The following TRIM22 variants were observed in gnomAD, a reference collection of about 807,000 sequenced individuals.
The protein encoded by TRIM22 is tripartite motif containing 22, also known as E3 ubiquitin-protein ligase TRIM22.
A neutral mutation model predicts 53.6 loss-of-function variants in TRIM22; 45 were observed. The ratio of observed to expected loss-of-function variants is 0.84; its 90% CI spans 0.66 to 1.08. TRIM22 has a LOEUF of 1.08. Ranked by LOEUF, TRIM22 falls within the 50% of genes least tolerant of loss-of-function variation. The pLI is 0.00. For missense variants in TRIM22, 616 were observed against 590.9 expected (o/e 1.04, Z -0.44); for synonymous variants, 225 against 216.6 (o/e 1.04, Z -0.34).
At chr11:5,695,360 G>A (rs1853240701) in intron 1 of TRIM22, among the ~76,000 whole-genome samples, 1 of 152,116 alleles carries the variant, frequency 6.6e-6, no homozygotes, top group African/African-American at 2.4e-5. Flanking sequence ...GCCTTGAGGA[G>A]CCATAGATTT....
chr11:5,696,760 C>A, intron 2 of TRIM22, 105 bp downstream of exon 2: 2 of 1,223,210 alleles, frequency 1.6e-6, no homozygotes, highest in Non-Finnish European at 2.2e-6. Context: ...CACCATAGAA[C>A]GGAGAGCCCT....
At position 5,708,562 on chromosome 11, in the gene TRIM22, C is replaced by T; in HGVS notation, c.875-15C>T. On this transcript the variant is annotated splice_polypyrimidine_tract_variant and intron_variant, in intron 6 of 7. Coordinates refer to ENST00000379965, the MANE Select transcript of TRIM22 (RefSeq NM_006074.5). ...TTTGCTTCTAACAACATCACTGAAA[C>T]TTTTGTCGTTTCAGAGCTGACAGAT... The T allele has an allele frequency of 1.2e-6, 2 of 1,601,180 alleles. No homozygotes were observed. Among genetic ancestry groups the T allele is most frequent in the Non-Finnish European group, 8.5e-7 (1 of 1,176,478 alleles).
chr11:5,698,364 TGA>T lies in TRIM22; in HGVS notation c.573_574del (p.Arg191SerfsTer6). 1.2e-6 allele frequency: 2 copies of T among 1,614,090 alleles called. No homozygotes were observed. Among genetic ancestry groups the T allele is most frequent in the Non-Finnish European group, 1.7e-6 (2 of 1,179,980 alleles). On this transcript the variant is annotated frameshift_variant, in exon 4 of 8. Coordinates refer to ENST00000379965, the MANE Select transcript of TRIM22 (RefSeq NM_006074.5). LOFTEE classifies it high-confidence loss of function. ...AAGATTCTGAAAGGGTTCAATGAAA[TGA>T]GAGTCATCTTGGACAATGAGGAGCA...
intron 4 of TRIM22, among the ~76,000 whole-genome samples, chr11:5,703,700 T>C (rs1390469696): frequency 2.0e-5 from 3 of 147,378 alleles, no homozygotes; most frequent in African/African-American, 7.5e-5. Flanking sequence ...ATTTTTTTTA[T>C]GACTATGTAG....
intron 4 of TRIM22, among the ~76,000 whole-genome samples, chr11:5,699,020 A>G (rs539677379): frequency 6.6e-6 from 1 of 152,282 alleles, no homozygotes; most frequent in African/African-American, 2.4e-5. Context: ...TTTGAGGTTT[A>G]TTTATATTGC....
rs745513790 is a variant in TRIM22, at chr11:5,696,616, C to T, written c.384C>T (p.His128=). ...AACTGTCTCAGGAACACCAAGGTCA[C>T]CAAACATTCCGCATAAACGAGGTGG... is the stretch of plus-strand genomic sequence containing the variant. ...VCELSQEHQG[H]QTFRINEVVK... Residue 128 remains histidine (H), a synonymous_variant, in exon 2 of 8, where the codon CAC becomes CAT. Transcript: ENST00000379965. The T allele has an allele frequency of 5.0e-6, 8 of 1,613,186 alleles. No homozygotes were observed. The East Asian group carries it at 1.8e-4, about 36-fold the overall frequency.
chr11:5,697,367 G>C, intron 3 of TRIM22, 24 bp downstream of exon 3: 1 of 1,573,092 alleles, frequency 6.4e-7, no homozygotes, highest in Non-Finnish European at 8.7e-7. Flanking sequence ...CCTCCTAAGG[G>C]ATAATTAGAC....
chr11:5,698,903 ATCTGTTTTCTG>A (rs1254471637), intron 4 of TRIM22, among the ~76,000 whole-genome samples: 3 of 152,162 alleles, frequency 2.0e-5, no homozygotes, highest in Non-Finnish European at 4.4e-5. Flanking sequence ...CTGGCAGCCT[ATCTGTTTTCTG>A]TCTGTATAGA....
intron 4 of TRIM22, among the ~76,000 whole-genome samples, chr11:5,706,028 A>G (rs1260030147): frequency 6.6e-6 from 1 of 152,202 alleles, no homozygotes; most frequent in Non-Finnish European, 1.5e-5. Context: ...ATTAATTTTC[A>G]TCATTAGATC....
chr11:5,710,530 T>G lies in TRIM22; in HGVS notation c.*882T>G, dbSNP rs1853543272. ...AAGCAAGAAGTCCATAGTAATTTAT[T>G]TGCTAATAGTGGATTTTTAATGCTC... On this transcript the variant is annotated 3_prime_UTR_variant, in exon 8 of 8. Coordinates refer to ENST00000379965, the MANE Select transcript of TRIM22 (RefSeq NM_006074.5). 6.6e-6 allele frequency: 1 copy of G among 152,206 alleles called. No homozygotes were observed. 9.4% of individuals were successfully genotyped at this position (152,206 alleles called of 1,614,324 possible).
intron 3 of TRIM22, chr11:5,698,050 T>C: frequency 2.5e-6 from 1 of 396,638 alleles, no homozygotes; most frequent in South Asian, 2.6e-5. Context: ...TCAGGACAGG[T>C]GTCTACAATC....
intron 4 of TRIM22, among the ~76,000 whole-genome samples, chr11:5,699,756 T>C (rs1853338314): frequency 6.6e-6 from 1 of 150,474 alleles, no homozygotes; most frequent in Non-Finnish European, 1.5e-5. Context: ...ACAGCCTTTC[T>C]AGTGGGAACA....
Position 5,696,276 on chromosome 11 carries a change from G to A in TRIM22, c.44G>A (p.Cys15Tyr). ...VKVDIEKEVT[C>Y]PICLELLTEP... ...GTAGACATAGAGAAGGAGGTGACCT[G>A]CCCCATCTGCCTGGAGCTCCTGACA... The change falls in exon 2 of 8, where the codon TGC (cysteine) becomes TAC (tyrosine). Residue 15 changes from cysteine to tyrosine, a missense_variant. Coordinates refer to ENST00000379965, the MANE Select transcript of TRIM22 (RefSeq NM_006074.5). 1 of 1,613,916 alleles carries A rather than the reference G, an allele frequency of 6.2e-7. No individual in the cohort carries two copies. The highest frequency in any genetic ancestry group is 8.5e-7 in the Non-Finnish European group (1 of 1,179,892).
chr11:5,690,218 A>G (rs1564938031), intron 1 of TRIM22, among the ~76,000 whole-genome samples: 1 of 152,230 alleles, frequency 6.6e-6, no homozygotes, highest in African/African-American at 2.4e-5. Flanking sequence ...CGAGCACTCA[A>G]ACAAAGGATT....
intron 4 of TRIM22, among the ~76,000 whole-genome samples, chr11:5,699,804 T>C (rs991580763): frequency 1.3e-5 from 2 of 151,272 alleles, no homozygotes; most frequent in East Asian, 3.9e-4. Flanking sequence ...TGCTTTTTCC[T>C]AATAACTAAC....
intron 4 of TRIM22, among the ~76,000 whole-genome samples, chr11:5,705,383 G>T (rs1303016257): frequency 1.3e-5 from 2 of 152,114 alleles, no homozygotes; most frequent in Non-Finnish European, 2.9e-5. Context: ...ATTTTTAGAA[G>T]AAAAACCAGA....
In TRIM22 at chr11:5,696,222, G is replaced by A. The variant is rs1853255772; in HGVS notation, c.-11G>A. On this transcript the variant is annotated 5_prime_UTR_variant, in exon 2 of 8. Coordinates refer to ENST00000379965, the MANE Select transcript of TRIM22 (RefSeq NM_006074.5). The stretch of plus-strand genomic sequence containing the variant: ...AGAGTCAAGACAGAAGGAAGCCAAG[G>A]GAGCAGTGCAATGGATTTCTCAGTA... The A allele has an allele frequency of 1.3e-6, 2 of 1,589,402 alleles. No individual in the cohort carries two copies. The highest frequency in any genetic ancestry group is 1.3e-5 in the African/African-American group (1 of 74,162).
chr11:5,693,671 G>A (rs551062708), intron 1 of TRIM22, among the ~76,000 whole-genome samples: 4 of 132,112 alleles, frequency 3.0e-5, no homozygotes, highest in African/African-American at 8.6e-5. Context: ...GCAAGGAGCC[G>A]AGATCGCACC....
chr11:5,708,406 A>G, intron 6 of TRIM22, 133 bp downstream of exon 6: 2 of 1,010,398 alleles, frequency 2.0e-6, no homozygotes, highest in East Asian at 5.1e-5. Flanking sequence ...CCTGTGCTGT[A>G]GATGTGGTCC....
Sources: gnomAD v4.1 joint callset for allele counts (sites outside exome capture counted in the v4.1 genomes callset) on GRCh38, gnomAD v4.1.1 for gene constraint, MANE v1.5 for transcripts, NCBI Gene and HGNC (gene_info 2026-07-23, HGNC 2026-07-21) for gene names.